Variants in TMF1 observed in about 807,000 individuals in gnomAD.
TMF1 encodes the protein TATA element modulatory factor.
Under a neutral mutation model 126.5 loss-of-function variants are expected in TMF1, and 71 were observed. The ratio of observed to expected loss-of-function variants is 0.56; its 90% CI spans 0.46 to 0.68. The LOEUF (loss-of-function observed/expected upper bound fraction) is 0.68. TMF1 is among the 30% of genes least tolerant of loss of function. The pLI is 0.00. For synonymous variants in TMF1, 461 were observed against 430.5 expected, an observed-to-expected ratio of 1.07 and a Z score of -0.88; for missense variants, 1,259 against 1,253.2, an observed-to-expected ratio of 1.00 and a Z score of -0.07.
chr3:69,024,935 T>C (rs988604128), intron 15 of TMF1: 6 of 152,026 alleles, frequency 3.9e-5, no homozygotes, highest in African/African-American at 1.4e-4. Flanking sequence ...ACTCAAAGTT[T>C]TGGATTTGGG....
chr3:69,025,757 C>A (rs199770568), intron 14 of TMF1, 45 bp from the exon 15 acceptor site: 3 of 1,574,166 alleles, frequency 1.9e-6, no homozygotes, highest in Admixed American at 3.7e-5. Context: ...GTTATCATAG[C>A]TTGTCTTCCA....
chr3:69,026,189 A>G (rs1575807811), intron 13 of TMF1, 92 bp from the exon 14 acceptor site: 1 of 806,910 alleles, frequency 1.2e-6, no homozygotes, highest in East Asian at 2.5e-5. Context: ...GAGAACAAAG[A>G]TTCAGTCTTT....
chr3:69,033,876 G>A, intron 9 of TMF1, 172 bp from the exon 10 acceptor site: 1 of 577,374 alleles, frequency 1.7e-6, no homozygotes, highest in Non-Finnish European at 2.8e-6. Flanking sequence ...TGTCACCCAG[G>A]CTGGAGTGCA....
intron 8 of TMF1, among the ~76,000 whole-genome samples, chr3:69,037,320 C>T (rs1290948715): frequency 6.6e-6 from 1 of 151,990 alleles, no homozygotes; most frequent in African/African-American, 2.4e-5. Context: ...CGCTGAAACC[C>T]CATGTCTACT....
chr3:69,028,086 A>G (rs2091780190), intron 12 of TMF1, 94 bp from the exon 13 acceptor site: 2 of 1,104,870 alleles, frequency 1.8e-6, no homozygotes, highest in Non-Finnish European at 2.7e-6. Flanking sequence ...GTATAAACTC[A>G]TATTTGTTTT....
chr3:69,042,830 T>C lies in TMF1; in HGVS notation c.1661A>G (p.Gln554Arg). ...TADLLKEKDE[Q>R]IRGLMEEGEK... is the part of the protein sequence containing the mutation. ...ACCTTCTTCCATTAACCCTCGGATC[T>C]GCTCATCTTTCTCTTTCAAAAGGTC... The change falls in exon 5 of 17, where the codon CAG becomes CGG. Residue 554 changes from glutamine (Q) to arginine (R), a missense_variant. Coordinates refer to ENST00000398559, the MANE Select transcript of TMF1 (RefSeq NM_007114.3). 6.2e-7 allele frequency: 1 copy of C among 1,613,674 alleles called. No homozygotes were observed. Among genetic ancestry groups the C allele is most frequent in the Non-Finnish European group, 8.5e-7 (1 of 1,179,800 alleles).
At chr3:69,042,489 C>G (rs9985501) in intron 5 of TMF1, 1 of 498,818 alleles carries the variant, frequency 2.0e-6, no homozygotes, top group African/African-American at 1.9e-5. Flanking sequence ...CCCAGAGTTA[C>G]ACACTTTGAA....
rs180740953 is a variant in TMF1 at position 69,021,404 on chromosome 3, C to T, written c.*1773G>A. 4 of 152,498 alleles carry T rather than the reference C, an allele frequency of 2.6e-5. No individual in the cohort carries two copies. Among genetic ancestry groups the T allele is most frequent in the Admixed American group, 1.3e-4 (2 of 15,262 alleles). 9.4% of individuals were successfully genotyped at this position (152,498 alleles called of 1,614,324 possible). ...CCTGTCATTCTGCCCTTGAATATTA[C>T]ACACACAAAAAAATCAAGCTGACAA... On this transcript the variant is annotated 3_prime_UTR_variant, in exon 17 of 17. Transcript: ENST00000398559.
intron 16 of TMF1, 96 bp downstream of exon 16, chr3:69,023,959 A>G (rs1191190975): frequency 2.5e-6 from 3 of 1,205,574 alleles, no homozygotes; most frequent in Non-Finnish European, 3.4e-6. Context: ...TTAATTTTCA[A>G]ATAAATCACT....
At chr3:69,028,637 T>C (rs879621051) in intron 11 of TMF1, among the ~76,000 whole-genome samples, 2 of 152,238 alleles carry the variant, frequency 1.3e-5, no homozygotes, top group Non-Finnish European at 2.9e-5. Flanking sequence ...TATGAAAATG[T>C]TTCTAAAAGT....
At position 69,040,747 on chromosome 3, in the gene TMF1, C is replaced by A. The variant is rs1303401352; in HGVS notation, c.1685-1054G>T. 2.6e-5 allele frequency among the ~76,000 whole-genome samples: 4 copies of A among 152,060 alleles called. No homozygotes were observed. In the South Asian group the frequency reaches 6.2e-4, roughly 24 times the overall value. On this transcript the variant is annotated intron_variant, in intron 5 of 16. Transcript: ENST00000398559. Reference sequence around the variant, plus strand: ...GACCAGCCTGGCCAACATGGTGAAACCCCATCTCTACTAAAAATACAAAAA... The same window carrying A: ...GACCAGCCTGGCCAACATGGTGAAAACCCATCTCTACTAAAAATACAAAAA...
At position 69,021,629 on chromosome 3, in the gene TMF1, A is replaced by G. The variant is rs1411978251; in HGVS notation, c.*1548T>C. 6.6e-6 allele frequency: 1 copy of G among 152,108 alleles called. No individual in the cohort carries two copies. The highest frequency in any genetic ancestry group is 1.5e-5 in the Non-Finnish European group (1 of 67,996). The allele number at this position is 152,108 out of a possible 1,614,324, so 9.4% of individuals were successfully genotyped here. A position where few individuals can be genotyped will look rare whatever the true frequency, so the allele number is the denominator to read the frequency against. On this transcript the variant is annotated 3_prime_UTR_variant, in exon 17 of 17. Transcript: ENST00000398559. The stretch of plus-strand genomic sequence containing the variant: ...AAATTCTTCAAGATGGTGTACTTGT[A>G]TCTATATTCTGAAGTACTAGTGTTT...
Position 69,023,314 on chromosome 3 carries a change from C to T in TMF1, c.3145G>A (p.Asp1049Asn), listed in dbSNP as rs548063706. ...TGCAGAATAGTGTTGTACCTTTGAT[C>T]CAAATCCTGAAAAATGTATTTGTTT... ...PKLRTQLRDL[D>N]QRYNTILQMY... The change falls in exon 17 of 17, where the codon GAT becomes AAT. Residue 1049 changes from aspartate (D) to asparagine (N), a missense_variant. Asp to Asn is a conservative substitution (Grantham distance 23). Coordinates refer to ENST00000398559, the MANE Select transcript of TMF1 (RefSeq NM_007114.3). 2 of 1,603,968 alleles carry T rather than the reference C, an allele frequency of 1.2e-6. No individual in the cohort carries two copies. Among genetic ancestry groups the T allele is most frequent in the Non-Finnish European group, 1.7e-6 (2 of 1,176,672 alleles).
intron 8 of TMF1, among the ~76,000 whole-genome samples, chr3:69,035,970 C>T (rs1041818477): frequency 2.0e-5 from 3 of 151,928 alleles, no homozygotes; most frequent in African/African-American, 7.2e-5. Flanking sequence ...TATTATTATT[C>T]TAACGTATTT....
In TMF1 at chr3:69,023,621, C is replaced by G. The variant is rs150201421; in HGVS notation, c.3139-301G>C. On this transcript the variant is annotated intron_variant, in intron 16 of 16. Transcript: ENST00000398559. The stretch of plus-strand genomic sequence containing the variant: ...AAGCACACTTGATATAAAATTTAGT[C>G]TCTTTGTTCCATGGTGGTATAAGTA... 2.2e-3 allele frequency among the ~76,000 whole-genome samples: 329 copies of G among 152,184 alleles called. 1 individual carries two copies. The highest frequency in any genetic ancestry group is 7.7e-3 in the African/African-American group (318 of 41,564).
chr3:69,031,750 C>T (rs964371607), intron 10 of TMF1, among the ~76,000 whole-genome samples: 1 of 152,152 alleles, frequency 6.6e-6, no homozygotes, highest in African/African-American at 2.4e-5. Flanking sequence ...ACATTTTACA[C>T]TCTGCTCCAC....
At chr3:69,036,219 T>C (rs1169202663) in intron 8 of TMF1, among the ~76,000 whole-genome samples, 1 of 151,902 alleles carries the variant, frequency 6.6e-6, no homozygotes, top group African/African-American at 2.4e-5. Flanking sequence ...AAACAAGTTA[T>C]AAAACAGTAT....
rs1383110223 is a variant in TMF1, at chr3:69,027,899, C to T, written c.2757+1G>A. Reference sequence around the variant, plus strand: ...AAACAAACAAAAACAAAATTCAATACCTTTTCTTTTATTGTTTCTTGAGTA... The same window carrying T: ...AAACAAACAAAAACAAAATTCAATATCTTTTCTTTTATTGTTTCTTGAGTA... On this transcript the variant is annotated splice_donor_variant, in intron 13 of 16. Coordinates refer to ENST00000398559, the MANE Select transcript of TMF1 (RefSeq NM_007114.3). LOFTEE classifies it high-confidence loss of function. The T allele has an allele frequency of 2.0e-6, 3 of 1,502,598 alleles. No homozygotes were observed. Among genetic ancestry groups the T allele is most frequent in the Non-Finnish European group, 2.8e-6 (3 of 1,086,174 alleles). 93.1% of individuals were successfully genotyped at this position (1,502,598 alleles called of 1,614,324 possible).
chr3:69,031,979 T>C (rs999642063), intron 10 of TMF1, among the ~76,000 whole-genome samples: 1 of 152,252 alleles, frequency 6.6e-6, no homozygotes, highest in African/African-American at 2.4e-5. Flanking sequence ...TCTCAAAAGC[T>C]GTCAGAGATA....
Sources: allele counts gnomAD v4.1 joint callset (sites outside exome capture counted in the v4.1 genomes callset), GRCh38; gene constraint gnomAD v4.1.1; transcripts MANE v1.5; gene names NCBI Gene and HGNC (gene_info 2026-07-23, HGNC 2026-07-21).